The following KCNQ2 variants were observed in gnomAD, a reference collection of about 807,000 sequenced individuals.
The protein encoded by KCNQ2 is potassium voltage-gated channel subfamily Q member 2.
In KCNQ2, 14 loss-of-function variants were observed where a neutral mutation model predicts 84.8. That is an observed-to-expected ratio of 0.17 (90% CI 0.11 to 0.26). KCNQ2 has a LOEUF of 0.26. Among genes scored for constraint, KCNQ2 ranks in the 10% least tolerant of loss-of-function variants. The pLI is 1.00. For missense variants in KCNQ2, 788 were observed against 1,254.0 expected, an observed-to-expected ratio of 0.63 and a Z score of 5.61; for synonymous variants, 599 against 554.1, an observed-to-expected ratio of 1.08 and a Z score of -1.14.
chr20:63,411,686 AGG>A, intron 15 of KCNQ2: 1 of 527,868 alleles, frequency 1.9e-6, no homozygotes. Flanking sequence ...TCCCGGGGAA[AGG>A]GTGGTACAAG....
chr20:63,423,102 C>T (rs1424281764), intron 11 of KCNQ2, among the ~76,000 whole-genome samples: 2 of 152,190 alleles, frequency 1.3e-5, no homozygotes, highest in Admixed American at 6.5e-5. Context: ...GGCCCTCGTC[C>T]GTTTTCTTAG....
intron 10 of KCNQ2, among the ~76,000 whole-genome samples, chr20:63,426,355 G>C (rs1037115552): frequency 7.2e-5 from 11 of 152,216 alleles, no homozygotes; most frequent in Admixed American, 2.0e-4. Flanking sequence ...GCATGAGGCT[G>C]TCTGGCCACA....
At position 63,445,304 on chromosome 20, in the gene KCNQ2, A is replaced by C; in HGVS notation, c.448T>G (p.Cys150Gly). 6.2e-7 allele frequency: 1 copy of C among 1,613,830 alleles called. No homozygotes were observed. The highest frequency in any genetic ancestry group is 8.5e-7 in the Non-Finnish European group (1 of 1,180,012). ...CTCCAGCCACGGTACCGGCAGCAGC[A>C]GCCTGCGGCCCAGATCCGCACGAAG... is the stretch of plus-strand genomic sequence containing the variant. ...EYFVRIWAAG[C>G]CCRYRGWRGR... The change falls in exon 3 of 17, where the codon TGC becomes GGC. Residue 150 changes from cysteine (C) to glycine (G), a missense_variant. Transcript: ENST00000359125.
intron 10 of KCNQ2, among the ~76,000 whole-genome samples, chr20:63,426,696 G>A (rs1003202628): frequency 1.3e-5 from 2 of 152,048 alleles, no homozygotes; most frequent in African/African-American, 4.8e-5. Flanking sequence ...GTAGCGCACA[G>A]CCCAGTGGAG....
Position 63,472,486 on chromosome 20 carries a change from G to A in KCNQ2, c.-23C>T, listed in dbSNP as rs2082242546. On this transcript the variant is annotated 5_prime_UTR_variant, in exon 1 of 17. Coordinates refer to ENST00000359125, the MANE Select transcript of KCNQ2 (RefSeq NM_172107.4). ...CATGGTGCCTGGCGGGAGGCGCCCCGGGTCGGGCTCAGGCTCAGCGGGGGC... is the reference window on the plus strand; with the variant it reads ...CATGGTGCCTGGCGGGAGGCGCCCCAGGTCGGGCTCAGGCTCAGCGGGGGC... 6.7e-7 allele frequency: 1 copy of A among 1,486,892 alleles called. No individual in the cohort carries two copies. Among genetic ancestry groups the A allele is most frequent in the Admixed American group, 2.2e-5 (1 of 45,912 alleles). The allele number at this position is 1,486,892 out of a possible 1,614,324, so 92.1% of individuals were successfully genotyped here.
chr20:63,444,886 CTT>C, intron 3 of KCNQ2, 52 bp from the exon 4 acceptor site: 1 of 1,522,474 alleles, frequency 6.6e-7, no homozygotes, highest in South Asian at 1.3e-5. Context: ...CCCGCACCCC[CTT>C]GGAGAAAACT....
At chr20:63,456,003 G>A (rs1600832836) in intron 1 of KCNQ2, among the ~76,000 whole-genome samples, 2 of 72,506 alleles carry the variant, frequency 2.8e-5, no homozygotes, top group Non-Finnish European at 2.7e-5. Flanking sequence ...TCTGCTTCAC[G>A]GGCCCCCCAC....
At chr20:63,463,497 CCT>C (rs2082008047) in intron 1 of KCNQ2, among the ~76,000 whole-genome samples, 3 of 152,110 alleles carry the variant, frequency 2.0e-5, no homozygotes, top group Admixed American at 6.5e-5. Flanking sequence ...CCCTCTGCAC[CCT>C]GAGTCCCAGC....
intron 1 of KCNQ2, among the ~76,000 whole-genome samples, chr20:63,452,230 G>C (rs1437797681): frequency 2.0e-5 from 3 of 152,246 alleles, no homozygotes; most frequent in Non-Finnish European, 2.9e-5. Context: ...TCTAGCGTGA[G>C]CCCAAGTTCA....
intron 1 of KCNQ2, among the ~76,000 whole-genome samples, chr20:63,457,344 A>G (rs904045835): frequency 6.6e-6 from 1 of 152,216 alleles, no homozygotes; most frequent in African/African-American, 2.4e-5. Flanking sequence ...CAGGGACGGG[A>G]GGTGACCCAG....
intron 4 of KCNQ2, among the ~76,000 whole-genome samples, chr20:63,442,924 C>T (rs1600772186): frequency 9.9e-6 from 1 of 101,158 alleles, no homozygotes; most frequent in African/African-American, 3.8e-5. Flanking sequence ...CCATCACCAC[C>T]ATCACCATCA....
Position 63,424,239 on chromosome 20 carries a change from G to A in KCNQ2, c.1218-33C>T, listed in dbSNP as rs143115785. 4.7e-4 allele frequency: 737 copies of A among 1,552,066 alleles called. 4 individuals are homozygous for A. The East Asian group carries it at 0.014, about 29-fold the overall frequency. ...CAGAAGCAACAGAGAGTTAGTGGCC[G>A]CCCACTCAGCACCCATGAGGGTCCC... is the stretch of plus-strand genomic sequence containing the variant. On this transcript the variant is annotated intron_variant, in intron 10 of 16. Coordinates refer to ENST00000359125, the MANE Select transcript of KCNQ2 (RefSeq NM_172107.4).
intron 1 of KCNQ2, among the ~76,000 whole-genome samples, chr20:63,451,717 A>G (rs2081620888): frequency 6.6e-6 from 1 of 152,186 alleles, no homozygotes; most frequent in Non-Finnish European, 1.5e-5. Context: ...GGACCCAGTC[A>G]TCTCCCCACT....
chr20:63,457,095 C>T (rs1435582475), intron 1 of KCNQ2, among the ~76,000 whole-genome samples: 4 of 152,258 alleles, frequency 2.6e-5, no homozygotes, highest in Admixed American at 6.5e-5. Flanking sequence ...TCAGAAGTGA[C>T]GGGCGCGGGC....
At chr20:63,457,774 C>T (rs1421185565) in intron 1 of KCNQ2, among the ~76,000 whole-genome samples, 1 of 152,258 alleles carries the variant, frequency 6.6e-6, no homozygotes, top group Non-Finnish European at 1.5e-5. Flanking sequence ...AGGGCCTTCG[C>T]CCCGGCCCAG....
intron 1 of KCNQ2, among the ~76,000 whole-genome samples, chr20:63,451,902 G>C (rs2081625973): frequency 6.6e-6 from 1 of 152,252 alleles, no homozygotes; most frequent in African/African-American, 2.4e-5. Flanking sequence ...AGGGCGTCCA[G>C]GGCAGGGAAG....
intron 8 of KCNQ2, chr20:63,433,580 C>G (rs984046872): frequency 1.1e-4 from 90 of 800,614 alleles, no homozygotes; most frequent in Non-Finnish European, 1.7e-4. Flanking sequence ...ACGGCCAGGA[C>G]GATAAAGCAA....
intron 7 of KCNQ2, chr20:63,437,249 T>C (rs1352736901): frequency 6.6e-6 from 1 of 152,200 alleles, no homozygotes; most frequent in African/African-American, 2.4e-5. Flanking sequence ...AAGAGTGACC[T>C]TCGAGGGAAG....
intron 1 of KCNQ2, among the ~76,000 whole-genome samples, chr20:63,454,983 G>C (rs572790792): frequency 6.6e-6 from 1 of 152,172 alleles, no homozygotes; most frequent in South Asian, 2.1e-4. Context: ...AGCCCACCAC[G>C]GGGCACTCAG....
Sources: gnomAD v4.1 joint callset for allele counts (sites outside exome capture counted in the v4.1 genomes callset) on GRCh38, gnomAD v4.1.1 for gene constraint, MANE v1.5 for transcripts, NCBI Gene and HGNC (gene_info 2026-07-23, HGNC 2026-07-21) for gene names.